The following ZNF420 variants were observed in gnomAD, a reference collection of about 807,000 sequenced individuals.
ZNF420 encodes the protein zinc finger protein 420, also known as ATM and p53-associated KZNF protein.
A neutral mutation model predicts 44.7 loss-of-function variants in ZNF420; 31 were observed. The observed-to-expected ratio is 0.69, with a 90% CI of 0.52 to 0.94. ZNF420 has a LOEUF of 0.94. ZNF420 is among the 40% of genes least tolerant of loss of function. The pLI is 0.00. For missense variants in ZNF420, 681 were observed against 827.9 expected, an observed-to-expected ratio of 0.82 and a Z score of 2.18; for synonymous variants, 245 against 267.4, an observed-to-expected ratio of 0.92 and a Z score of 0.82.
chr19:37,025,290 T>A, intron 1 of ZNF420: 1 of 246,546 alleles, frequency 4.1e-6, no homozygotes, highest in Non-Finnish European at 8.3e-6. Context: ...CCTTGTTTTC[T>A]GTAACATCTG....
chr19:37,055,986 C>T lies in ZNF420; in HGVS notation c.-124-24359C>T, dbSNP rs117999763. 6.2e-3 allele frequency among the ~76,000 whole-genome samples: 941 copies of T among 152,248 alleles called. 28 individuals are homozygous for T. The highest frequency in any genetic ancestry group is 0.05 in the East Asian group (256 of 5,166). Reference sequence around the variant, plus strand: ...GTTGTTCTTTTGAAAAGCAGAACCCCGCAGCCTCAGGGGTTGCCTGGGGTG... The same window carrying T: ...GTTGTTCTTTTGAAAAGCAGAACCCTGCAGCCTCAGGGGTTGCCTGGGGTG... On this transcript the variant is annotated intron_variant, in intron 1 of 4. Transcript: ENST00000587029.
At chr19:37,031,085 C>G (rs962329529) in intron 1 of ZNF420, among the ~76,000 whole-genome samples, 3 of 152,004 alleles carry the variant, frequency 2.0e-5, no homozygotes, top group African/African-American at 7.3e-5. Context: ...CAACTCCTGA[C>G]CTCAGGTGAT....
intron 1 of ZNF420, among the ~76,000 whole-genome samples, chr19:37,046,004 T>A (rs1805665935): frequency 6.6e-6 from 1 of 152,164 alleles, no homozygotes; most frequent in South Asian, 2.1e-4. Context: ...AAACCCCTGA[T>A]AAACCCATCA....
intron 1 of ZNF420, among the ~76,000 whole-genome samples, chr19:37,062,191 T>C (rs918220173): frequency 6.6e-6 from 1 of 152,168 alleles, no homozygotes; most frequent in Admixed American, 6.5e-5. Context: ...TGGAGAATCA[T>C]GTAAGTAAAG....
intron 1 of ZNF420, among the ~76,000 whole-genome samples, chr19:37,044,476 G>C (rs1254651074): frequency 6.6e-6 from 1 of 152,146 alleles, no homozygotes; most frequent in Non-Finnish European, 1.5e-5. Flanking sequence ...CTCTGCTCTG[G>C]GATTATAGCC....
chr19:37,085,462 G>T (rs1313471855), intron 2 of ZNF420, among the ~76,000 whole-genome samples: 1 of 152,180 alleles, frequency 6.6e-6, no homozygotes, highest in Non-Finnish European at 1.5e-5. Context: ...TTCCTGGCAG[G>T]CCACACAGGG....
At chr19:37,057,606 CT>C (rs200735849) in intron 1 of ZNF420, among the ~76,000 whole-genome samples, 1 of 151,748 alleles carries the variant, frequency 6.6e-6, no homozygotes, top group Admixed American at 6.6e-5. Flanking sequence ...TTTGGTGAGC[CT>C]TTTTTTTGGT....
chr19:37,050,324 G>A (rs1967616451), intron 1 of ZNF420, among the ~76,000 whole-genome samples: 1 of 152,284 alleles, frequency 6.6e-6, no homozygotes, highest in South Asian at 2.1e-4. Context: ...CCATTTTCAT[G>A]ATATTGATTC....
At chr19:37,072,930 CAG>C (rs1459155010) in intron 1 of ZNF420, among the ~76,000 whole-genome samples, 22 of 151,808 alleles carry the variant, frequency 1.4e-4, no homozygotes, top group East Asian at 1.9e-4. Flanking sequence ...ATGAAAAAAA[CAG>C]ATTACAAAAT....
At chr19:37,064,965 C>T (rs897370376) in intron 1 of ZNF420, among the ~76,000 whole-genome samples, 1 of 152,096 alleles carries the variant, frequency 6.6e-6, no homozygotes, top group Non-Finnish European at 1.5e-5. Flanking sequence ...TGCGAAGGCC[C>T]GAGCTCTGGG....
At chr19:37,100,518 GC>G (rs1341114267) in intron 4 of ZNF420, among the ~76,000 whole-genome samples, 1 of 152,080 alleles carries the variant, frequency 6.6e-6, no homozygotes, top group African/African-American at 2.4e-5. Context: ...TTTGAGACCA[GC>G]CTGGCCAACA....
At chr19:37,062,421 C>A (rs1222553659) in intron 1 of ZNF420, among the ~76,000 whole-genome samples, 1 of 152,094 alleles carries the variant, frequency 6.6e-6, no homozygotes, top group African/African-American at 2.4e-5. Context: ...TACTTCGTGT[C>A]CATGAAAATC....
Position 37,128,703 on chromosome 19 carries a change from G to T in ZNF420, c.1712G>T (p.Gly571Val), listed in dbSNP as rs1431298166. The T allele has an allele frequency of 6.2e-7, 1 of 1,613,898 alleles. No homozygotes were observed. Among genetic ancestry groups the T allele is most frequent in the Non-Finnish European group, 8.5e-7 (1 of 1,179,986 alleles). ...GAATGTGGGAAAGCCTTTATTCGTG[G>T]TTCACAGTTGACTCAACATCAGCGA... is the stretch of plus-strand genomic sequence containing the variant. ...CKECGKAFIR[G>V]SQLTQHQRIH... The change falls in exon 5 of 5, where the codon GGT becomes GTT. Residue 571 changes from glycine to valine, a missense_variant. By Grantham distance (109) the Gly-to-Val change is moderately radical. Transcript: ENST00000337995.
chr19:37,079,388 TG>T (rs1180294976), intron 1 of ZNF420, among the ~76,000 whole-genome samples: 1 of 152,200 alleles, frequency 6.6e-6, no homozygotes, highest in Non-Finnish European at 1.5e-5. Flanking sequence ...GGTCTGCCTA[TG>T]GATTGTGAGT....
intron 1 of ZNF420, among the ~76,000 whole-genome samples, chr19:37,028,698 T>G (rs1967195610): frequency 6.6e-6 from 1 of 152,208 alleles, no homozygotes; most frequent in Admixed American, 6.5e-5. Context: ...ATATATCATG[T>G]GTGTGTTTGT....
chr19:37,051,426 A>T (rs1366624062), intron 1 of ZNF420, among the ~76,000 whole-genome samples: 1 of 152,142 alleles, frequency 6.6e-6, no homozygotes, highest in East Asian at 1.9e-4. Context: ...CAGAGATTCA[A>T]CGTCTTCCTG....
intron 1 of ZNF420, among the ~76,000 whole-genome samples, chr19:37,009,388 C>T (rs2074551421): frequency 6.6e-6 from 1 of 152,162 alleles, no homozygotes. Flanking sequence ...TTTGCTTTTC[C>T]TTGGCATTGT....
At position 37,093,498 on chromosome 19, in the gene ZNF420, C is replaced by T. The variant is rs536438772; in HGVS notation, c.136+2377C>T. Among the ~76,000 whole-genome samples the T allele has an allele frequency of 2.2e-3, 342 of 152,250 alleles. 1 individual carries two copies. The highest frequency in any genetic ancestry group is 7.9e-3 in the African/African-American group (328 of 41,544). On this transcript the variant is annotated intron_variant, in intron 4 of 4. Transcript: ENST00000337995. ...CCTCCCAAAGTGCTGAGACTACAGG[C>T]GTGAGCCAGTGCACCCGGCCAAGAA...
At position 37,127,273 on chromosome 19, in the gene ZNF420, C is replaced by T; in HGVS notation, c.282C>T (p.Gly94=). The change falls in exon 5 of 5, where the codon GGC becomes GGT. Residue 94 remains glycine, a synonymous_variant. Transcript: ENST00000337995. ...SNSRDYLEAK[G]KMEKQQENQK... ...CCAGGGATTATTTGGAAGCCAAAGG[C>T]AAGATGGAGAAGCAACAAGAAAATC... 6.2e-7 allele frequency: 1 copy of T among 1,613,398 alleles called. No homozygotes were observed. Among genetic ancestry groups the T allele is most frequent in the Non-Finnish European group, 8.5e-7 (1 of 1,179,742 alleles).
Sources: allele counts gnomAD v4.1 joint callset (sites outside exome capture counted in the v4.1 genomes callset), GRCh38; gene constraint gnomAD v4.1.1; transcripts MANE v1.5; gene names NCBI Gene and HGNC (gene_info 2026-07-23, HGNC 2026-07-21).